The following ARHGEF19 variants were observed in gnomAD, a reference collection of about 807,000 sequenced individuals.
The protein encoded by ARHGEF19 is Rho guanine nucleotide exchange factor 19, also known as Rho guanine nucleotide exchange factor (GEF) 19.
A neutral mutation model predicts 87.6 loss-of-function variants in ARHGEF19; 92 were observed. That is an observed-to-expected ratio of 1.05 (90% CI 0.89 to 1.25). ARHGEF19 has a LOEUF of 1.25. Among genes scored for constraint, ARHGEF19 ranks in the 50% most tolerant of loss-of-function variants. The pLI is 0.00. For synonymous variants in ARHGEF19, 438 were observed against 446.2 expected, an observed-to-expected ratio of 0.98 and a Z score of 0.23; for missense variants, 1,054 against 1,051.8, an observed-to-expected ratio of 1.00 and a Z score of -0.03.
chr1:16,207,888 C>A lies in ARHGEF19; in HGVS notation c.694+56G>T. The A allele has an allele frequency of 2.1e-6, 3 of 1,403,406 alleles. No homozygotes were observed. Among genetic ancestry groups the A allele is most frequent in the Non-Finnish European group, 3.0e-6 (3 of 1,009,394 alleles). The allele number at this position is 1,403,406 out of a possible 1,614,324, so 86.9% of individuals were successfully genotyped here. A position where few individuals can be genotyped will look rare whatever the true frequency, so the allele number is the denominator to read the frequency against. ...GCGGCCGGTGAGTGGGCATCGCCCA[C>A]CCCCACCCCCACCCGGCATCTGGCT... On this transcript the variant is annotated intron_variant, in intron 3 of 15. Coordinates refer to ENST00000270747, the MANE Select transcript of ARHGEF19 (RefSeq NM_153213.5). This position sits in a 1 kb window ranked among gnomAD's most constrained non-coding sequence, Gnocchi z 4.0.
intron 1 of ARHGEF19, among the ~76,000 whole-genome samples, chr1:16,210,806 C>T (rs925021453): frequency 1.8e-4 from 27 of 152,138 alleles, no homozygotes; most frequent in African/African-American, 5.3e-4. Context: ...AACTGCTCCA[C>T]GGCTGAAATA....
chr1:16,206,146 C>T lies in ARHGEF19; in HGVS notation c.1298+34G>A. The T allele has an allele frequency of 6.3e-7, 1 of 1,585,062 alleles. No homozygotes were observed. Among genetic ancestry groups the T allele is most frequent in the Non-Finnish European group, 8.6e-7 (1 of 1,164,172 alleles). On this transcript the variant is annotated intron_variant, in intron 7 of 15. Coordinates refer to ENST00000270747, the MANE Select transcript of ARHGEF19 (RefSeq NM_153213.5). This position sits in a 1 kb window ranked among gnomAD's most constrained non-coding sequence, Gnocchi z 4.6. Reference sequence around the variant, plus strand: ...GGAGCTGGCCAACCACTGGCTCCGTCCCCACCCCGGGCCAGGCCAGACCAC... The same window carrying T: ...GGAGCTGGCCAACCACTGGCTCCGTTCCCACCCCGGGCCAGGCCAGACCAC...
intron 12 of ARHGEF19, among the ~76,000 whole-genome samples, chr1:16,204,050 G>A (rs2100271185): frequency 6.6e-6 from 1 of 152,160 alleles, no homozygotes; most frequent in East Asian, 1.9e-4. Flanking sequence ...TTTGTTTTAA[G>A]AGATGGGGTC....
Position 16,198,800 on chromosome 1 carries a change from G to A in ARHGEF19, c.2252-56C>T. On this transcript the variant is annotated intron_variant, in intron 15 of 15. Coordinates refer to ENST00000270747, the MANE Select transcript of ARHGEF19 (RefSeq NM_153213.5). The surrounding 1 kb of genome is among the most constrained non-coding windows in gnomAD (Gnocchi z 4.1). ...TCAAAGGGGTACCAGGGCCAGGCCT[G>A]GAAGGGAACACCACAGCCCTGATGC... 6.5e-7 allele frequency: 1 copy of A among 1,538,140 alleles called. No individual in the cohort carries two copies. Among genetic ancestry groups the A allele is most frequent in the Non-Finnish European group, 8.8e-7 (1 of 1,139,960 alleles).
intron 12 of ARHGEF19, among the ~76,000 whole-genome samples, chr1:16,204,374 G>A (rs2081106220): frequency 6.6e-6 from 1 of 152,170 alleles, no homozygotes; most frequent in South Asian, 2.1e-4. Flanking sequence ...GAGGTATTTG[G>A]AGGATTAAAG....
At chr1:16,209,438 C>A (rs1185050154) in intron 1 of ARHGEF19, among the ~76,000 whole-genome samples, 1 of 152,162 alleles carries the variant, frequency 6.6e-6, no homozygotes, top group Non-Finnish European at 1.5e-5. Context: ...ATGATTTTAA[C>A]CACCTTGTAC....
At chr1:16,209,135 T>G in intron 1 of ARHGEF19, 52 bp from the exon 2 acceptor site, 1 of 1,347,030 alleles carries the variant, frequency 7.4e-7, no homozygotes, top group Non-Finnish European at 9.5e-7. Context: ...GGCTGGCCAG[T>G]AAGCCACCAC....
At chr1:16,203,641 A>G (rs2081101170) in intron 12 of ARHGEF19, among the ~76,000 whole-genome samples, 1 of 152,028 alleles carries the variant, frequency 6.6e-6, no homozygotes, top group African/African-American at 2.4e-5. Flanking sequence ...TCCTTTACAA[A>G]TCCAGCCACA....
chr1:16,207,883 G>GGCCCC lies in ARHGEF19; in HGVS notation c.694+60_694+61insGGGGC. 4.2e-5 allele frequency: 62 copies of GGCCCC among 1,476,384 alleles called. No individual in the cohort carries two copies. The highest frequency in any genetic ancestry group is 5.4e-5 in the Non-Finnish European group (58 of 1,069,218). 91.5% of individuals were successfully genotyped at this position (1,476,384 alleles called of 1,614,324 possible). ...CTCAGGCGGCCGGTGAGTGGGCATC[G>GGCCCC]CCCACCCCCACCCCCACCCGGCATC... On this transcript the variant is annotated intron_variant, in intron 3 of 15. Coordinates refer to ENST00000270747, the MANE Select transcript of ARHGEF19 (RefSeq NM_153213.5). This position sits in a 1 kb window ranked among gnomAD's most constrained non-coding sequence, Gnocchi z 4.0.
chr1:16,205,437 G>A lies in ARHGEF19; in HGVS notation c.1582-12C>T, dbSNP rs368098145. 40 of 1,611,374 alleles carry A rather than the reference G, an allele frequency of 2.5e-5. No homozygotes were observed. Among genetic ancestry groups the A allele is most frequent in the East Asian group, 2.2e-5 (1 of 44,858 alleles). On this transcript the variant is annotated splice_polypyrimidine_tract_variant and intron_variant, in intron 9 of 15. Coordinates refer to ENST00000270747, the MANE Select transcript of ARHGEF19 (RefSeq NM_153213.5). The surrounding 1 kb of genome is among the most constrained non-coding windows in gnomAD (Gnocchi z 5.8). ...CGCTTCAGGATGTTCTGGAAGGTGGGATCAGCACAATGAGGCAGTCCTCAT... is the reference window on the plus strand; with the variant it reads ...CGCTTCAGGATGTTCTGGAAGGTGGAATCAGCACAATGAGGCAGTCCTCAT...
rs748299712 is a variant in ARHGEF19 at position 16,207,042 on chromosome 1, C to G, written c.1043G>C (p.Arg348Pro). The G allele has an allele frequency of 6.6e-7, 1 of 1,509,408 alleles. No individual in the cohort carries two copies. Among genetic ancestry groups the G allele is most frequent in the Admixed American group, 2.2e-5 (1 of 45,396 alleles). 93.5% of individuals were successfully genotyped at this position (1,509,408 alleles called of 1,614,324 possible). A position where few individuals can be genotyped will look rare whatever the true frequency, so the allele number is the denominator to read the frequency against. The change falls in exon 6 of 16, where the codon CGA becomes CCA. Residue 348 changes from arginine to proline, a missense_variant. By Grantham distance (103) the Arg-to-Pro change is moderately radical (BLOSUM62 -2). Transcript: ENST00000270747. This position sits in a 1 kb window ranked among gnomAD's most constrained non-coding sequence, Gnocchi z 4.0. ...CTGCCACAGCGAGAAGGTGGAGCCT[C>G]GCGCCGAGCGCTGCGCCCGGAAGGA... Reference protein sequence around the residue: ...SSSFRAQRSARGSTFSLWQDI... With the variant: ...SSSFRAQRSAPGSTFSLWQDI...
At position 16,200,208 on chromosome 1, in the gene ARHGEF19, G is replaced by A. The variant is rs527948514; in HGVS notation, c.2147-954C>T. 2.6e-5 allele frequency among the ~76,000 whole-genome samples: 4 copies of A among 152,306 alleles called. No homozygotes were observed. In the South Asian group the frequency reaches 6.2e-4, roughly 24 times the overall value. On this transcript the variant is annotated intron_variant, in intron 14 of 15. Coordinates refer to ENST00000270747, the MANE Select transcript of ARHGEF19 (RefSeq NM_153213.5). ...GCCACAGACTGAGGGGCCAGACCTCGCTTGAATCCCAGTTCTGCCGCTTAC... is the reference window on the plus strand; with the variant it reads ...GCCACAGACTGAGGGGCCAGACCTCACTTGAATCCCAGTTCTGCCGCTTAC...
At chr1:16,199,825 C>T (rs1287533935) in intron 14 of ARHGEF19, among the ~76,000 whole-genome samples, 1 of 151,954 alleles carries the variant, frequency 6.6e-6, no homozygotes, top group African/African-American at 2.4e-5. Flanking sequence ...TCCACTTTCC[C>T]TCCCTACTCT....
intron 1 of ARHGEF19, among the ~76,000 whole-genome samples, chr1:16,212,050 C>T (rs996024351): frequency 1.4e-5 from 2 of 140,056 alleles, no homozygotes; most frequent in African/African-American, 6.6e-5. Flanking sequence ...GCCCAATGCC[C>T]TCTCTAAGAA....
Position 16,206,471 on chromosome 1 carries a change from G to T in ARHGEF19, c.1138-131C>A. 9.6e-7 allele frequency: 1 copy of T among 1,045,610 alleles called. No homozygotes were observed. The highest frequency in any genetic ancestry group is 1.5e-5 in the South Asian group (1 of 66,258). 64.8% of individuals were successfully genotyped at this position (1,045,610 alleles called of 1,614,324 possible). A position where few individuals can be genotyped will look rare whatever the true frequency, so the allele number is the denominator to read the frequency against. Reference sequence around the variant, plus strand: ...CTTCTCTAGCCCCACTCCTAATCTGGCGCCGGGCGGGCCCGGCGACCCACG... The same window carrying T: ...CTTCTCTAGCCCCACTCCTAATCTGTCGCCGGGCGGGCCCGGCGACCCACG... On this transcript the variant is annotated intron_variant, in intron 6 of 15. Transcript: ENST00000270747. The surrounding 1 kb of genome is among the most constrained non-coding windows in gnomAD (Gnocchi z 4.6).
chr1:16,210,308 C>G (rs962616000), intron 1 of ARHGEF19, among the ~76,000 whole-genome samples: 1 of 152,054 alleles, frequency 6.6e-6, no homozygotes, highest in African/African-American at 2.4e-5. Flanking sequence ...GCGGGCTGGG[C>G]GGGGGCCTAC....
rs751007060 is a variant in ARHGEF19 at position 16,206,967 on chromosome 1, C to T, written c.1118G>A (p.Arg373Gln). 47 of 1,507,136 alleles carry T rather than the reference C, an allele frequency of 3.1e-5. No individual in the cohort carries two copies. In the South Asian group the frequency reaches 5.4e-4, roughly 17 times the overall value. The allele number at this position is 1,507,136 out of a possible 1,614,324, so 93.4% of individuals were successfully genotyped here. A position where few individuals can be genotyped will look rare whatever the true frequency, so the allele number is the denominator to read the frequency against. ...GSGVLATLSL[R>Q]DCKLQEAKFE... ...GCCCACCTCCTGCAGCTTGCAGTCC[C>T]GCAGGCTCAGCGTGGCCAGGACGCC... is the stretch of plus-strand genomic sequence containing the variant. Residue 373 changes from arginine to glutamine, a missense_variant, in exon 6 of 16, where the codon CGG (arginine) becomes CAG (glutamine). Coordinates refer to ENST00000270747, the MANE Select transcript of ARHGEF19 (RefSeq NM_153213.5). The surrounding 1 kb of genome is among the most constrained non-coding windows in gnomAD (Gnocchi z 4.6).
At position 16,198,612 on chromosome 1, in the gene ARHGEF19, C is replaced by A; in HGVS notation, c.2384G>T (p.Ser795Ile). The A allele has an allele frequency of 6.2e-7, 1 of 1,612,132 alleles. No homozygotes were observed. The highest frequency in any genetic ancestry group is 8.5e-7 in the Non-Finnish European group (1 of 1,178,884). Reference protein sequence around the residue: ...RENKRVTSATSKLGEAPV With the variant: ...RENKRVTSATIKLGEAPV ...TCACACAGGAGCCTCCCCCAGTTTG[C>A]TGGTGGCACTTGTGACTCGCTTATT... Residue 795 changes from serine (S) to isoleucine (I), a missense_variant, in exon 16 of 16, where the codon AGC becomes ATC. By Grantham distance (142) the Ser-to-Ile change is moderately radical. Coordinates refer to ENST00000270747, the MANE Select transcript of ARHGEF19 (RefSeq NM_153213.5). This position sits in a 1 kb window ranked among gnomAD's most constrained non-coding sequence, Gnocchi z 4.1.
At chr1:16,204,548 C>G (rs138929266) in intron 12 of ARHGEF19, among the ~76,000 whole-genome samples, 1 of 152,336 alleles carries the variant, frequency 6.6e-6, no homozygotes, top group East Asian at 1.9e-4. Flanking sequence ...GGCATACAGT[C>G]TAGCCCTTGA....
Sources: allele counts gnomAD v4.1 joint callset (sites outside exome capture counted in the v4.1 genomes callset), GRCh38; gene constraint gnomAD v4.1.1; non-coding constraint Gnocchi (gnomAD v3.1); transcripts MANE v1.5; gene names NCBI Gene and HGNC (gene_info 2026-07-23, HGNC 2026-07-21).